GRAMD2B: variants seen among roughly 807,000 people sequenced by gnomAD.
GRAMD2B encodes the protein GRAM domain-containing protein 2B.
GRAMD2B carries 41 observed loss-of-function variants against 59.2 expected under a neutral mutation model. The observed-to-expected ratio is 0.69, with a 90% confidence interval of 0.54 to 0.90. The LOEUF (loss-of-function observed/expected upper bound fraction) is 0.90, where lower values mean the gene tolerates loss of function less well. Ranked by LOEUF, GRAMD2B falls within the 40% of genes least tolerant of loss-of-function variation. The pLI, the probability that GRAMD2B is intolerant of heterozygous loss-of-function variation, is 0.00. For missense variants in GRAMD2B, 424 were observed against 500.5 expected (o/e 0.85, Z 1.46); for synonymous variants, 161 against 182.7 (o/e 0.88, Z 0.96).
Position 126,466,209 on chromosome 5 carries a change from C to T in GRAMD2B, c.203+664C>T, listed in dbSNP as rs577263633. 55 of 1,534,284 alleles carry T rather than the reference C, an allele frequency of 3.6e-5. No individual in the cohort carries two copies. The African/African-American group carries it at 5.9e-4, about 17-fold the overall frequency. ...TTGTGGTCCTTCACCATTATTAGAA[C>T]TTTGAGAACTGCTACCTTCTACTTC... On this transcript the variant is annotated intron_variant, in intron 2 of 13. Coordinates refer to ENST00000285689, the MANE Select transcript of GRAMD2B (RefSeq NM_023927.4).
intron 1 of GRAMD2B, chr5:126,433,571 A>T (rs374836955): frequency 4.6e-5 from 7 of 152,346 alleles, no homozygotes; most frequent in African/African-American, 1.7e-4. Context: ...GCTGTCAATT[A>T]AGCACTTGTG....
intron 1 of GRAMD2B, among the ~76,000 whole-genome samples, chr5:126,395,499 C>G (rs1000372865): frequency 2.6e-5 from 4 of 152,186 alleles, no homozygotes. Context: ...CTGAACCTCC[C>G]AGCATGGCTC....
chr5:126,482,213 C>T (rs1772016773), intron 8 of GRAMD2B, among the ~76,000 whole-genome samples: 1 of 152,086 alleles, frequency 6.6e-6, no homozygotes, highest in Admixed American at 6.6e-5. Flanking sequence ...TATGGGCTTT[C>T]TTTGGGGGTT....
At chr5:126,366,726 C>A (rs1754452336), upstream of GRAMD2B, among the ~76,000 whole-genome samples, 1 of 152,090 alleles carries the variant, frequency 6.6e-6, no homozygotes, top group Admixed American at 6.5e-5. Flanking sequence ...ATCAAACAGC[C>A]AACCACAGGA....
intron 3 of GRAMD2B, among the ~76,000 whole-genome samples, chr5:126,471,803 C>G (rs1769639613): frequency 6.6e-6 from 1 of 152,190 alleles, no homozygotes. Context: ...ACAACAAGAG[C>G]TAGAGCCACT....
upstream of GRAMD2B, among the ~76,000 whole-genome samples, chr5:126,420,054 C>CAAAAAAAAAAAAAAA (rs386404926): frequency 5.8e-5 from 6 of 103,486 alleles, no homozygotes; most frequent in East Asian, 2.7e-4. Flanking sequence ...GACTCTTTCT[C>CAAAAAAAAAAAAAAA]AAAAAAAAAA....
At chr5:126,409,779 A>G (rs1384228218) in intron 1 of GRAMD2B, among the ~76,000 whole-genome samples, 1 of 152,120 alleles carries the variant, frequency 6.6e-6, no homozygotes, top group African/African-American at 2.4e-5. Context: ...TATGTCCTGA[A>G]TGGTAATGCC....
chr5:126,488,096 TGGC>T (rs1773284143), intron 12 of GRAMD2B, among the ~76,000 whole-genome samples: 2 of 152,190 alleles, frequency 1.3e-5, no homozygotes, highest in Non-Finnish European at 1.5e-5. Context: ...TACCTTTAGG[TGGC>T]TTACATGTAT....
intron 8 of GRAMD2B, among the ~76,000 whole-genome samples, chr5:126,481,244 AAAGAAAAG>A (rs1312443343): frequency 4.1e-5 from 6 of 146,790 alleles, no homozygotes; most frequent in Non-Finnish European, 9.0e-5. Flanking sequence ...AGAAAGAAAG[AAAGAAAAG>A]AAAAAAAAAG....
At chr5:126,402,970 A>G (rs991622126) in intron 1 of GRAMD2B, among the ~76,000 whole-genome samples, 5 of 151,914 alleles carry the variant, frequency 3.3e-5, no homozygotes, top group Non-Finnish European at 7.4e-5. Flanking sequence ...CTAAAAGGAG[A>G]GGGTCACATA....
At chr5:126,361,489 T>A (rs377564582) in intron 1 of GRAMD2B, among the ~76,000 whole-genome samples, 3 of 140,714 alleles carry the variant, frequency 2.1e-5, no homozygotes, top group African/African-American at 2.6e-5. Context: ...TCCGAAATGG[T>A]AAAAAAAAAA....
chr5:126,416,516 C>G (rs1189629204), intron 1 of GRAMD2B, among the ~76,000 whole-genome samples: 1 of 152,136 alleles, frequency 6.6e-6, no homozygotes, highest in Non-Finnish European at 1.5e-5. Flanking sequence ...AACACAGGAA[C>G]GAACATGACC....
In GRAMD2B at chr5:126,462,596, C is replaced by A. The variant is rs116590867; in HGVS notation, c.84-2830C>A. 1.3e-3 allele frequency among the ~76,000 whole-genome samples: 192 copies of A among 152,186 alleles called. 1 individual carries two copies. Among genetic ancestry groups the A allele is most frequent in the African/African-American group, 4.5e-3 (186 of 41,528 alleles). On this transcript the variant is annotated intron_variant, in intron 1 of 13. Coordinates refer to ENST00000285689, the MANE Select transcript of GRAMD2B (RefSeq NM_023927.4). ...TACATAATTAATCCATATCATTGAA[C>A]GTATAAATGACCACTGTGAGCAAAT... is the stretch of plus-strand genomic sequence containing the variant.
At chr5:126,446,052 A>G (rs1764164158) in intron 1 of GRAMD2B, among the ~76,000 whole-genome samples, 1 of 152,156 alleles carries the variant, frequency 6.6e-6, no homozygotes, top group East Asian at 1.9e-4. Flanking sequence ...GTGCCTAGAG[A>G]TGCTTTAGTC....
At chr5:126,478,697 A>G (rs1303094265) in intron 6 of GRAMD2B, among the ~76,000 whole-genome samples, 1 of 148,272 alleles carries the variant, frequency 6.7e-6, no homozygotes, top group South Asian at 2.1e-4. Context: ...GCTGAGATCG[A>G]GCACCACTGC....
At chr5:126,457,406 G>A (rs1341716492) in intron 1 of GRAMD2B, among the ~76,000 whole-genome samples, 1 of 152,004 alleles carries the variant, frequency 6.6e-6, no homozygotes, top group Non-Finnish European at 1.5e-5. Flanking sequence ...GGCCCAGGCA[G>A]GTAGATCACC....
At chr5:126,367,041 A>G (rs1195149481), upstream of GRAMD2B, among the ~76,000 whole-genome samples, 1 of 151,888 alleles carries the variant, frequency 6.6e-6, no homozygotes, top group East Asian at 1.9e-4. Context: ...TTTTTAGTAG[A>G]GACGGTGGTT....
intron 3 of GRAMD2B, among the ~76,000 whole-genome samples, 195 bp from the exon 4 acceptor site, chr5:126,472,043 C>T (rs1258931601): frequency 6.6e-6 from 1 of 152,208 alleles, no homozygotes; most frequent in African/African-American, 2.4e-5. Flanking sequence ...AAGCATTAAA[C>T]TTGTTAGAAA....
chr5:126,376,350 G>A (rs561177665), intron 1 of GRAMD2B, among the ~76,000 whole-genome samples: 15 of 152,284 alleles, frequency 9.9e-5, no homozygotes, highest in East Asian at 1.9e-4. Flanking sequence ...TGCAGTCAAC[G>A]ATAACCTTGG....
Sources: allele counts gnomAD v4.1 joint callset (sites outside exome capture counted in the v4.1 genomes callset), GRCh38; gene constraint gnomAD v4.1.1; transcripts MANE v1.5; gene names NCBI Gene and HGNC (gene_info 2026-07-23, HGNC 2026-07-21).